CCDC68: variants seen among roughly 807,000 people sequenced by gnomAD.
CCDC68 encodes coiled-coil domain-containing protein 68.
Under a neutral mutation model 47.1 loss-of-function variants are expected in CCDC68, and 45 were observed. The ratio of observed to expected loss-of-function variants is 0.96; its 90% CI spans 0.75 to 1.23. The LOEUF (loss-of-function observed/expected upper bound fraction) is 1.23. Among genes scored for constraint, CCDC68 ranks in the 50% most tolerant of loss-of-function variants. CCDC68 has a pLI of 0.00. For missense variants in CCDC68, 353 were observed against 373.6 expected, an observed-to-expected ratio of 0.94 and a Z score of 0.45; for synonymous variants, 131 against 129.5, an observed-to-expected ratio of 1.01 and a Z score of -0.08.
intron 8 of CCDC68, among the ~76,000 whole-genome samples, chr18:54,923,400 A>AT (rs1433038933): frequency 6.6e-6 from 1 of 152,014 alleles, no homozygotes; most frequent in East Asian, 1.9e-4. Flanking sequence ...AAAATTTCCC[A>AT]TGTACTCCTT....
intron 8 of CCDC68, among the ~76,000 whole-genome samples, chr18:54,925,979 G>A (rs2044138303): frequency 6.6e-6 from 1 of 152,150 alleles, no homozygotes; most frequent in African/African-American, 2.4e-5. Context: ...TATTTTCATT[G>A]GTGGTACCAA....
intron 10 of CCDC68, among the ~76,000 whole-genome samples, chr18:54,914,300 C>A (rs2043907308): frequency 6.6e-6 from 1 of 152,136 alleles, no homozygotes; most frequent in East Asian, 1.9e-4. Flanking sequence ...TATTTGAAGC[C>A]TTTTTTTATA....
chr18:54,929,029 G>T, intron 7 of CCDC68, 147 bp from the exon 8 acceptor site: 1 of 623,694 alleles, frequency 1.6e-6, no homozygotes, highest in Non-Finnish European at 2.8e-6. Context: ...ACCTGGCCAA[G>T]TATTCTCCTG....
chr18:54,945,839 AAAC>A (rs1365188584), intron 1 of CCDC68, among the ~76,000 whole-genome samples: 2 of 152,174 alleles, frequency 1.3e-5, no homozygotes, highest in African/African-American at 4.8e-5. Flanking sequence ...TATTGGTGCA[AAAC>A]AACATTTAAA....
At chr18:54,911,703 G>A (rs1179072687) in intron 10 of CCDC68, among the ~76,000 whole-genome samples, 1 of 152,288 alleles carries the variant, frequency 6.6e-6, no homozygotes, top group Non-Finnish European at 1.5e-5. Context: ...AAAGCAATTT[G>A]AAACACACTC....
At chr18:54,916,394 TG>T (rs557125918) in intron 10 of CCDC68, among the ~76,000 whole-genome samples, 98 of 152,228 alleles carry the variant, frequency 6.4e-4, no homozygotes, top group Middle Eastern at 6.8e-3. Flanking sequence ...ATCTTCTGTT[TG>T]GGGAAAGCAG....
intron 9 of CCDC68, among the ~76,000 whole-genome samples, chr18:54,918,896 T>C (rs1291958078): frequency 1.3e-5 from 2 of 152,194 alleles, no homozygotes; most frequent in Non-Finnish European, 2.9e-5. Flanking sequence ...TCCTAAATCA[T>C]GTCCTAAATA....
chr18:54,947,270 C>T (rs1219127918), intron 1 of CCDC68, among the ~76,000 whole-genome samples: 3 of 152,218 alleles, frequency 2.0e-5, no homozygotes, highest in East Asian at 1.9e-4. Flanking sequence ...GGTGGCATCA[C>T]GCCAAGAGGA....
At chr18:54,946,243 CCA>C (rs1433878288) in intron 1 of CCDC68, among the ~76,000 whole-genome samples, 1 of 152,158 alleles carries the variant, frequency 6.6e-6, no homozygotes, top group Non-Finnish European at 1.5e-5. Context: ...CGCTTTGGCG[CCA>C]CAAACAGCAG....
At chr18:54,915,746 T>C (rs537566994) in intron 10 of CCDC68, among the ~76,000 whole-genome samples, 29 of 152,182 alleles carry the variant, frequency 1.9e-4, no homozygotes, top group African/African-American at 7.0e-4. Flanking sequence ...CTGGCCAACA[T>C]GGTGAAACCC....
rs1913739231 is a variant in CCDC68, at chr18:54,902,459, G to T, written c.*1899C>A. Reference sequence around the variant, plus strand: ...TGCAAATACTTAAAGCAGGACTCATGATCCTAATTTTCCTACAAGTGTGCC... The same window carrying T: ...TGCAAATACTTAAAGCAGGACTCATTATCCTAATTTTCCTACAAGTGTGCC... On this transcript the variant is annotated 3_prime_UTR_variant, in exon 12 of 12. Transcript: ENST00000591504. 1 of 152,188 alleles carries T rather than the reference G, an allele frequency of 6.6e-6. No individual in the cohort carries two copies. Among genetic ancestry groups the T allele is most frequent in the Non-Finnish European group, 1.5e-5 (1 of 68,032 alleles). 9.4% of individuals were successfully genotyped at this position (152,188 alleles called of 1,614,324 possible).
chr18:54,937,694 A>G (rs900675892), intron 5 of CCDC68: 1 of 302,036 alleles, frequency 3.3e-6, no homozygotes, highest in Non-Finnish European at 6.2e-6. Flanking sequence ...AGATTTCTAG[A>G]ACTTATTCAT....
chr18:54,948,642 G>A (rs919051897), intron 1 of CCDC68, among the ~76,000 whole-genome samples: 10 of 152,340 alleles, frequency 6.6e-5, no homozygotes, highest in South Asian at 2.1e-4. Context: ...TTTACAGAAA[G>A]CCACTGTGTT....
chr18:54,904,388 AG>A lies in CCDC68; in HGVS notation c.977del (p.Pro326LeufsTer3), dbSNP rs751959739. The A allele has an allele frequency of 6.2e-6, 10 of 1,613,538 alleles. No homozygotes were observed. The highest frequency in any genetic ancestry group is 8.5e-6 in the Non-Finnish European group (10 of 1,179,606). On this transcript the variant is annotated frameshift_variant, in exon 12 of 12. Coordinates refer to ENST00000591504, the MANE Select transcript of CCDC68 (RefSeq NM_025214.3). LOFTEE classifies it high-confidence loss of function. ...TSELKTEGVS[P>X]YLMLIRLRK ...TCCGTAACCTAATCAACATTAAATA[AG>A]GGGAAACACCTTCGGTCTTCAATTC... is the stretch of plus-strand genomic sequence containing the variant.
At chr18:54,934,591 T>C (rs2044312795) in intron 7 of CCDC68, among the ~76,000 whole-genome samples, 1 of 152,192 alleles carries the variant, frequency 6.6e-6, no homozygotes, top group South Asian at 2.1e-4. Flanking sequence ...AATGATGATA[T>C]GACTACAGTA....
rs542244326 is a variant in CCDC68 at position 54,953,252 on chromosome 18, T to C, written c.-103+6084A>G. On this transcript the variant is annotated intron_variant, in intron 1 of 11. Transcript: ENST00000591504. Reference sequence around the variant, plus strand: ...CTTTGGAGTGGGGGAATATATCTTGTTAGTGATCATGGTTCTATGACTATA... The same window carrying C: ...CTTTGGAGTGGGGGAATATATCTTGCTAGTGATCATGGTTCTATGACTATA... Among the ~76,000 whole-genome samples, 6 of 152,184 alleles carry C rather than the reference T, an allele frequency of 3.9e-5. No individual in the cohort carries two copies. In the East Asian group the frequency reaches 1.2e-3, roughly 29 times the overall value.
chr18:54,946,958 T>C (rs2044538790), intron 1 of CCDC68, among the ~76,000 whole-genome samples: 1 of 152,226 alleles, frequency 6.6e-6, no homozygotes, highest in Admixed American at 6.5e-5. Flanking sequence ...TTCACATCTA[T>C]CTGGTTGCAA....
intron 10 of CCDC68, among the ~76,000 whole-genome samples, chr18:54,912,389 G>A (rs1179250206): frequency 6.6e-6 from 1 of 151,164 alleles, no homozygotes; most frequent in Non-Finnish European, 1.5e-5. Context: ...TTTTTTAAAA[G>A]ATAGGGTTAT....
In CCDC68 at chr18:54,943,632, T is replaced by G. The variant is rs79353448; in HGVS notation, c.-12-829A>C. On this transcript the variant is annotated intron_variant, in intron 2 of 11. Coordinates refer to ENST00000591504, the MANE Select transcript of CCDC68 (RefSeq NM_025214.3). ...CAGGAACTATTTATCCCTGGTGTGC[T>G]ATATTCTAAGAACAAAAAGAATAGC... Among the ~76,000 whole-genome samples the G allele has an allele frequency of 2.0e-5, 3 of 152,342 alleles. No individual in the cohort carries two copies. The East Asian group carries it at 5.8e-4, about 29-fold the overall frequency.
Sources: gnomAD v4.1 joint callset for allele counts (sites outside exome capture counted in the v4.1 genomes callset) on GRCh38, gnomAD v4.1.1 for gene constraint, MANE v1.5 for transcripts, NCBI Gene and HGNC (gene_info 2026-07-23, HGNC 2026-07-21) for gene names.